The following RAD51B variants were observed in gnomAD, a reference collection of about 807,000 sequenced individuals.
RAD51B encodes DNA repair protein RAD51 homolog 2.
RAD51B carries 38 observed loss-of-function variants against 42.2 expected under a neutral mutation model. That is an observed-to-expected ratio of 0.90 (90% CI 0.70 to 1.18). The LOEUF (loss-of-function observed/expected upper bound fraction) is 1.18, where lower values mean the gene tolerates loss of function less well. RAD51B is among the 50% of genes most tolerant of loss of function. RAD51B has a pLI of 0.00. For missense variants in RAD51B, 373 were observed against 400.7 expected (o/e 0.93, Z 0.59); for synonymous variants, 154 against 145.2 (o/e 1.06, Z -0.43).
chr14:68,637,102 C>G (rs981486486), intron 10 of RAD51B, among the ~76,000 whole-genome samples: 16 of 152,024 alleles, frequency 1.1e-4, no homozygotes, highest in Non-Finnish European at 2.2e-4. Flanking sequence ...TTTTTTCAGA[C>G]AGGGTCTTGC....
At position 68,593,251 on chromosome 14, in the gene RAD51B, G is replaced by C. The variant is rs1019344270; in HGVS notation, c.1037-1234G>C. Among the ~76,000 whole-genome samples, 3 of 152,192 alleles carry C rather than the reference G, an allele frequency of 2.0e-5. No individual in the cohort carries two copies. The East Asian group carries it at 5.8e-4, about 29-fold the overall frequency. ...AACCTCTCTGGGTTTCAGTAGCCTC[G>C]TCTAGAAAACAGGAATCATAACTGC... is the stretch of plus-strand genomic sequence containing the variant. On this transcript the variant is annotated intron_variant, in intron 10 of 10. Coordinates refer to the RAD51B transcript ENST00000487270.
chr14:67,853,774 T>G (rs2041897532), intron 4 of RAD51B, among the ~76,000 whole-genome samples: 1 of 152,242 alleles, frequency 6.6e-6, no homozygotes, highest in Non-Finnish European at 1.5e-5. Context: ...TTTCCTGACT[T>G]TAACTTAAAA....
At chr14:68,020,639 G>A (rs1356416410) in intron 7 of RAD51B, among the ~76,000 whole-genome samples, 2 of 152,030 alleles carry the variant, frequency 1.3e-5, no homozygotes, top group Admixed American at 1.3e-4. Flanking sequence ...TATATATAGA[G>A]TTTCAGTTTG....
intron 8 of RAD51B, among the ~76,000 whole-genome samples, chr14:68,327,373 T>C (rs1414648467): frequency 1.3e-5 from 1 of 78,064 alleles, no homozygotes; most frequent in Non-Finnish European, 3.2e-5. Flanking sequence ...CAGTTTGTTT[T>C]TTTTTGTTGT....
At chr14:68,217,908 A>G (rs1295969058) in intron 7 of RAD51B, among the ~76,000 whole-genome samples, 2 of 152,222 alleles carry the variant, frequency 1.3e-5, no homozygotes. Context: ...TTAGTCTCTA[A>G]TAAGTAAGAG....
intron 7 of RAD51B, among the ~76,000 whole-genome samples, chr14:68,046,105 C>A (rs2076295167): frequency 6.6e-6 from 1 of 152,040 alleles, no homozygotes; most frequent in African/African-American, 2.4e-5. Flanking sequence ...ACTTTTTAGA[C>A]CATTGCTGTA....
intron 9 of RAD51B, among the ~76,000 whole-genome samples, chr14:68,428,919 CGACAGGCCCCAGTG>C (rs1335961709): frequency 6.7e-6 from 1 of 149,638 alleles, no homozygotes; most frequent in Non-Finnish European, 1.5e-5. Context: ...CCCCACCCCA[CGACAGGCCCCAGTG>C]TGTGATCTTC....
chr14:68,259,758 G>A (rs571762821), intron 7 of RAD51B, among the ~76,000 whole-genome samples: 1 of 152,250 alleles, frequency 6.6e-6, no homozygotes, highest in East Asian at 1.9e-4. Context: ...CTTTTCTAGT[G>A]CTTAGGTAGC....
At chr14:68,313,745 A>G (rs1404851653) in intron 8 of RAD51B, among the ~76,000 whole-genome samples, 2 of 152,228 alleles carry the variant, frequency 1.3e-5, no homozygotes, top group African/African-American at 2.4e-5. Context: ...CCCTGGAACC[A>G]TCATAGATTG....
intron 10 of RAD51B, among the ~76,000 whole-genome samples, chr14:68,588,317 T>C (rs988444288): frequency 6.6e-6 from 1 of 152,214 alleles, no homozygotes; most frequent in Non-Finnish European, 1.5e-5. Context: ...ACAGAGATGA[T>C]TGCTCAGGGA....
At chr14:68,491,424 C>T (rs950076688) in intron 10 of RAD51B, among the ~76,000 whole-genome samples, 2 of 152,214 alleles carry the variant, frequency 1.3e-5, no homozygotes, top group African/African-American at 2.4e-5. Flanking sequence ...TTATAAGATG[C>T]ACTTTAAAGC....
intron 10 of RAD51B, among the ~76,000 whole-genome samples, chr14:68,530,648 T>C (rs1310394755): frequency 6.6e-6 from 1 of 152,042 alleles, no homozygotes; most frequent in African/African-American, 2.4e-5. Context: ...GTTTTATACC[T>C]AGCTAAACTA....
At chr14:68,524,795 A>G (rs1336441194) in intron 10 of RAD51B, among the ~76,000 whole-genome samples, 1 of 152,290 alleles carries the variant, frequency 6.6e-6, no homozygotes, top group East Asian at 1.9e-4. Flanking sequence ...AAAACCATTT[A>G]TGTGATTTCC....
At chr14:68,513,220 G>T (rs1885867141) in intron 10 of RAD51B, among the ~76,000 whole-genome samples, 1 of 152,204 alleles carries the variant, frequency 6.6e-6, no homozygotes, top group African/African-American at 2.4e-5. Context: ...CAATGGGCCA[G>T]CTTGGGTTAA....
chr14:67,969,988 T>A (rs777934688), intron 7 of RAD51B, among the ~76,000 whole-genome samples: 1 of 152,222 alleles, frequency 6.6e-6, no homozygotes, highest in African/African-American at 2.4e-5. Flanking sequence ...AATGTTCAGA[T>A]ATTTAAGAGG....
At chr14:67,891,921 T>C (rs2043231156) in intron 7 of RAD51B, among the ~76,000 whole-genome samples, 1 of 152,174 alleles carries the variant, frequency 6.6e-6, no homozygotes, top group African/African-American at 2.4e-5. Flanking sequence ...ACTGTCACTT[T>C]TGTGAAAGCC....
At chr14:67,846,949 G>C (rs1191470695) in intron 4 of RAD51B, among the ~76,000 whole-genome samples, 1 of 152,144 alleles carries the variant, frequency 6.6e-6, no homozygotes, top group East Asian at 1.9e-4. Context: ...AGCCAGCTCA[G>C]GTGTCCACAC....
chr14:68,558,121 T>C (rs1888952835), intron 10 of RAD51B, among the ~76,000 whole-genome samples: 1 of 152,214 alleles, frequency 6.6e-6, no homozygotes. Flanking sequence ...TGATCAAGCT[T>C]GGGCTTAGGG....
intron 8 of RAD51B, among the ~76,000 whole-genome samples, chr14:68,406,113 A>G (rs1237443567): frequency 6.6e-6 from 1 of 152,204 alleles, no homozygotes; most frequent in Non-Finnish European, 1.5e-5. Context: ...AGTCAGTATT[A>G]TAAGCATCCT....
Sources: gnomAD v4.1 joint callset for allele counts (sites outside exome capture counted in the v4.1 genomes callset) on GRCh38, gnomAD v4.1.1 for gene constraint, MANE v1.5 for transcripts, NCBI Gene and HGNC (gene_info 2026-07-23, HGNC 2026-07-21) for gene names.